The following HSCB variants were observed in gnomAD, a reference collection of about 807,000 sequenced individuals.
HSCB encodes the protein iron-sulfur cluster co-chaperone protein HscB.
Under a neutral mutation model 31.3 loss-of-function variants are expected in HSCB, and 23 were observed. The ratio of observed to expected loss-of-function variants is 0.74; its 90% CI spans 0.53 to 1.04. The LOEUF is 1.04. Ranked by LOEUF, HSCB falls within the 50% of genes least tolerant of loss-of-function variation. The pLI, the probability that HSCB is intolerant of heterozygous loss-of-function variation, is 0.00. For missense variants in HSCB, 297 were observed against 288.1 expected (o/e 1.03, Z -0.22); for synonymous variants, 110 against 104.5 (o/e 1.05, Z -0.32).
rs1394431065 is a variant in HSCB at position 28,742,105 on chromosome 22, G to A, written c.10G>A (p.Gly4Arg). The change falls in exon 1 of 6, where the codon GGG becomes AGG. Residue 4 changes from glycine (G) to arginine (R), a missense_variant. Transcript: ENST00000216027. MWRGRAGALLRVWG... is the reference protein window; with the variant it reads MWRRRAGALLRVWG... ...ATAGGCCGCCGGCCAGATGTGGCGG[G>A]GGAGAGCCGGGGCTTTGCTCCGGGT... 4 of 1,598,258 alleles carry A rather than the reference G, an allele frequency of 2.5e-6. No individual in the cohort carries two copies. The highest frequency in any genetic ancestry group is 3.5e-5 in the Admixed American group (2 of 57,616).
chr22:28,743,958 T>A lies in HSCB; in HGVS notation c.313T>A (p.Phe105Ile). ...ACTGCAGCGTCTTGTCCACCCAGAT[T>A]TCTTCAGCCAGAGGTCTCAGGTAGC... ...QQLQRLVHPD[F>I]FSQRSQTEKD... Residue 105 changes from phenylalanine (F) to isoleucine (I), a missense_variant, in exon 2 of 6, where the codon TTC becomes ATC. Coordinates refer to ENST00000216027, the MANE Select transcript of HSCB (RefSeq NM_172002.5). The A allele has an allele frequency of 6.2e-7, 1 of 1,614,090 alleles. No homozygotes were observed. The highest frequency in any genetic ancestry group is 8.5e-7 in the Non-Finnish European group (1 of 1,179,948).
chr22:28,756,987 G>C, intron 5 of HSCB, 91 bp from the exon 6 acceptor site: 2 of 766,600 alleles, frequency 2.6e-6, no homozygotes, highest in Admixed American at 1.9e-5. Context: ...GGACCCCAGG[G>C]CTCCACTTAT....
At chr22:28,748,109 C>T (rs554633897) in intron 4 of HSCB, among the ~76,000 whole-genome samples, 10 of 152,238 alleles carry the variant, frequency 6.6e-5, no homozygotes, top group African/African-American at 1.2e-4. Context: ...CGCTTGAACC[C>T]GGGAGGCGGA....
chr22:28,742,414 T>A, intron 1 of HSCB, 83 bp downstream of exon 1: 1 of 1,549,024 alleles, frequency 6.5e-7, no homozygotes, highest in Non-Finnish European at 8.7e-7. Flanking sequence ...CGGATCTGGC[T>A]GGCGGAAGAG....
chr22:28,751,997 A>G (rs1159605287), intron 5 of HSCB, among the ~76,000 whole-genome samples: 2 of 151,824 alleles, frequency 1.3e-5, no homozygotes, highest in Non-Finnish European at 2.9e-5. Context: ...GGCTGAGGCC[A>G]GGAGAATTGC....
At chr22:28,746,400 A>AAAAAAAG (rs1450010883) in intron 4 of HSCB, among the ~76,000 whole-genome samples, 3 of 150,712 alleles carry the variant, frequency 2.0e-5, no homozygotes, top group African/African-American at 7.4e-5. Flanking sequence ...AAAAAAAAAA[A>AAAAAAAG]AAGGTTATTT....
intron 4 of HSCB, among the ~76,000 whole-genome samples, chr22:28,746,289 G>A (rs2054687335): frequency 6.7e-6 from 1 of 150,232 alleles, no homozygotes; most frequent in Non-Finnish European, 1.5e-5. Flanking sequence ...GCTGAGGCAG[G>A]AGAATGGCGT....
At chr22:28,752,440 A>G (rs2069049354) in intron 5 of HSCB, among the ~76,000 whole-genome samples, 1 of 150,908 alleles carries the variant, frequency 6.6e-6, no homozygotes, top group South Asian at 2.1e-4. Flanking sequence ...AAAAAAAAAA[A>G]AAAAAAAAAT....
chr22:28,746,401 AAG>A (rs2054691478), intron 4 of HSCB, among the ~76,000 whole-genome samples: 1 of 149,016 alleles, frequency 6.7e-6, no homozygotes, highest in South Asian at 2.1e-4. Context: ...AAAAAAAAAA[AAG>A]GTTATTTATT....
intron 5 of HSCB, among the ~76,000 whole-genome samples, chr22:28,753,720 C>T: frequency 6.6e-6 from 1 of 151,946 alleles, no homozygotes; most frequent in East Asian, 1.9e-4. Context: ...CACCTGTAGT[C>T]CCAGCTACTC....
At chr22:28,753,559 C>T (rs1227580899) in intron 5 of HSCB, among the ~76,000 whole-genome samples, 2 of 151,620 alleles carry the variant, frequency 1.3e-5, no homozygotes, top group Non-Finnish European at 2.9e-5. Flanking sequence ...CTGACACCAG[C>T]CGGGCACGGT....
chr22:28,750,391 A>G (rs1303284516), intron 4 of HSCB, among the ~76,000 whole-genome samples: 1 of 152,084 alleles, frequency 6.6e-6, no homozygotes, highest in Non-Finnish European at 1.5e-5. Context: ...GGTAAAATTA[A>G]TGTTCAAGGG....
chr22:28,752,593 G>A (rs2030329308), intron 5 of HSCB, among the ~76,000 whole-genome samples: 1 of 149,684 alleles, frequency 6.7e-6, no homozygotes, highest in Non-Finnish European at 1.5e-5. Context: ...AATTAGCCAG[G>A]CCTGGTGGTG....
chr22:28,745,791 A>G lies in HSCB; in HGVS notation c.424-73A>G, dbSNP rs192324529. On this transcript the variant is annotated intron_variant, in intron 3 of 5. Transcript: ENST00000216027. ...TCTCTATTAGTGGTATTATTTCCTAATGGATGAGTAGGATTTACATTACTC... is the reference window on the plus strand; with the variant it reads ...TCTCTATTAGTGGTATTATTTCCTAGTGGATGAGTAGGATTTACATTACTC... 32 of 1,284,206 alleles carry G rather than the reference A, an allele frequency of 2.5e-5. No individual in the cohort carries two copies. In the African/African-American group the frequency reaches 3.0e-4, roughly 12 times the overall value. 79.6% of individuals were successfully genotyped at this position (1,284,206 alleles called of 1,614,324 possible).
In HSCB at chr22:28,743,220, G is replaced by A. The variant is rs193109523; in HGVS notation, c.237-662G>A. Among the ~76,000 whole-genome samples, 143 of 152,176 alleles carry A rather than the reference G, an allele frequency of 9.4e-4. 1 individual carries two copies. Among genetic ancestry groups the A allele is most frequent in the Non-Finnish European group, 1.6e-3 (111 of 67,988 alleles). On this transcript the variant is annotated intron_variant, in intron 1 of 5. Transcript: ENST00000216027. ...TTTGTAGCCAAGGAGCAGAGTAAAC[G>A]GGATTCTGGCTAAGCCGACCTAACG...
intron 5 of HSCB, among the ~76,000 whole-genome samples, chr22:28,753,941 T>C (rs140189201): frequency 0.013 from 1,897 of 151,178 alleles, 47 homozygotes; most frequent in African/African-American, 0.044. Context: ...TCAAGAGTTC[T>C]AGACCAGCCT....
At chr22:28,753,688 A>G (rs192503006) in intron 5 of HSCB, among the ~76,000 whole-genome samples, 30 of 150,916 alleles carry the variant, frequency 2.0e-4, no homozygotes, top group Middle Eastern at 6.9e-3. Flanking sequence ...TATACAAAAA[A>G]TCAGCCAGGC....
chr22:28,751,633 C>G (rs2030264530), intron 5 of HSCB, among the ~76,000 whole-genome samples: 2 of 151,924 alleles, frequency 1.3e-5, no homozygotes, highest in African/African-American at 4.8e-5. Context: ...GTAGTCCCAG[C>G]TACTTGGGAG....
intron 5 of HSCB, 31 bp from the exon 6 acceptor site, chr22:28,757,047 A>G: frequency 8.0e-7 from 1 of 1,257,554 alleles, no homozygotes; most frequent in South Asian, 1.2e-5. Flanking sequence ...CTTGAAATGA[A>G]GCCTGACTTC....
Sources: allele counts gnomAD v4.1 joint callset (sites outside exome capture counted in the v4.1 genomes callset), GRCh38; gene constraint gnomAD v4.1.1; transcripts MANE v1.5; gene names NCBI Gene and HGNC (gene_info 2026-07-23, HGNC 2026-07-21).